Variants in NKAIN3 observed in about 807,000 individuals in gnomAD.
The protein encoded by NKAIN3 is sodium/potassium-transporting ATPase subunit beta-1-interacting protein 3.
A neutral mutation model predicts 30.2 loss-of-function variants in NKAIN3; 25 were observed. The ratio of observed to expected loss-of-function variants is 0.83; its 90% CI spans 0.60 to 1.16. The LOEUF (loss-of-function observed/expected upper bound fraction) is 1.16. Among genes scored for constraint, NKAIN3 ranks in the 50% most tolerant of loss-of-function variants. The pLI, the probability that NKAIN3 is intolerant of heterozygous loss-of-function variation, is 0.00. For missense variants in NKAIN3, 225 were observed against 254.1 expected, an observed-to-expected ratio of 0.89 and a Z score of 0.78; for synonymous variants, 91 against 89.6, an observed-to-expected ratio of 1.02 and a Z score of -0.09.
chr8:62,487,752 C>A (rs769130193), intron 1 of NKAIN3, among the ~76,000 whole-genome samples: 5 of 152,178 alleles, frequency 3.3e-5, no homozygotes, highest in African/African-American at 7.2e-5. Flanking sequence ...ATCCCATTAT[C>A]ACCACACATC....
chr8:62,501,383 T>C (rs1321612379), intron 1 of NKAIN3, among the ~76,000 whole-genome samples: 2 of 152,156 alleles, frequency 1.3e-5, no homozygotes, highest in African/African-American at 4.8e-5. Context: ...GATGTAACAT[T>C]GATTTCGTTC....
intron 1 of NKAIN3, among the ~76,000 whole-genome samples, chr8:62,278,742 T>C (rs575192421): frequency 2.0e-5 from 3 of 152,274 alleles, no homozygotes; most frequent in African/African-American, 7.2e-5. Flanking sequence ...TATTCCATGG[T>C]GTATATGTGC....
intron 4 of NKAIN3, among the ~76,000 whole-genome samples, chr8:62,853,061 G>T (rs557671114): frequency 3.2e-4 from 48 of 152,274 alleles, no homozygotes; most frequent in African/African-American, 1.1e-3. Flanking sequence ...GGGTAACAAA[G>T]TCTCCCATTA....
At chr8:62,300,072 T>C (rs576760510) in intron 1 of NKAIN3, among the ~76,000 whole-genome samples, 3 of 152,088 alleles carry the variant, frequency 2.0e-5, no homozygotes, top group Non-Finnish European at 4.4e-5. Context: ...CGTCCTATAG[T>C]AGCTGTAACA....
chr8:62,388,656 T>C (rs4738967), intron 1 of NKAIN3, among the ~76,000 whole-genome samples: 21,080 of 152,236 alleles, frequency 0.14, 1,747 homozygotes, highest in East Asian at 0.4. Flanking sequence ...TTTTAAAACA[T>C]CCATCAAAGT....
intron 3 of NKAIN3, among the ~76,000 whole-genome samples, chr8:62,739,949 A>G (rs1815810053): frequency 6.6e-6 from 1 of 152,188 alleles, no homozygotes; most frequent in African/African-American, 2.4e-5. Flanking sequence ...GACATGACAG[A>G]CACTCCTAAT....
intron 1 of NKAIN3, among the ~76,000 whole-genome samples, chr8:62,496,319 CT>C (rs1211732177): frequency 6.6e-6 from 1 of 152,066 alleles, no homozygotes; most frequent in African/African-American, 2.4e-5. Context: ...CTTACTGTGG[CT>C]TATGGGGAAA....
chr8:62,332,844 T>G (rs1815399827), intron 1 of NKAIN3, among the ~76,000 whole-genome samples: 1 of 152,116 alleles, frequency 6.6e-6, no homozygotes, highest in Admixed American at 6.6e-5. Context: ...CTGGGCACCA[T>G]GCCGAAACCC....
intron 4 of NKAIN3, among the ~76,000 whole-genome samples, chr8:62,911,488 C>T (rs1821924712): frequency 6.6e-6 from 1 of 152,098 alleles, no homozygotes; most frequent in Non-Finnish European, 1.5e-5. Context: ...CAGAACTCCT[C>T]GTTCGGAAAT....
intron 3 of NKAIN3, among the ~76,000 whole-genome samples, chr8:62,641,515 T>C (rs1256793395): frequency 1.3e-5 from 2 of 152,180 alleles, no homozygotes; most frequent in Non-Finnish European, 2.9e-5. Context: ...ATTTGCTTTT[T>C]GTAGGTTTTT....
At chr8:62,344,027 A>C (rs1366518972) in intron 1 of NKAIN3, among the ~76,000 whole-genome samples, 1 of 152,096 alleles carries the variant, frequency 6.6e-6, no homozygotes, top group Non-Finnish European at 1.5e-5. Context: ...ACAAGAAAGC[A>C]AACTGGAAAA....
intron 5 of NKAIN3, among the ~76,000 whole-genome samples, chr8:62,923,022 T>A (rs1822328942): frequency 1.3e-5 from 2 of 152,086 alleles, no homozygotes; most frequent in South Asian, 4.1e-4. Flanking sequence ...GTTGGCTGGG[T>A]GTGGTGGCTC....
chr8:62,386,600 A>T (rs1350957999), intron 1 of NKAIN3, among the ~76,000 whole-genome samples: 2 of 152,218 alleles, frequency 1.3e-5, no homozygotes, highest in African/African-American at 4.8e-5. Context: ...GATTTTTAAT[A>T]TGACAAATCT....
rs564298504 is a variant in NKAIN3, at chr8:62,397,373, A to G, written c.54+148246A>G. 4.8e-5 allele frequency among the ~76,000 whole-genome samples: 7 copies of G among 147,004 alleles called. No homozygotes were observed. The South Asian group carries it at 9.0e-4, about 19-fold the overall frequency. On this transcript the variant is annotated intron_variant, in intron 1 of 6. Transcript: ENST00000623646. ...TGTTTATTTTGTTTAAAGGATTTCT[A>G]TCTTGAAGTATGTACTTTGTTTTCC... is the stretch of plus-strand genomic sequence containing the variant.
chr8:62,583,888 G>A (rs1243683884), intron 2 of NKAIN3, among the ~76,000 whole-genome samples: 1 of 152,088 alleles, frequency 6.6e-6, no homozygotes, highest in African/African-American at 2.4e-5. Context: ...ATGAGTATGA[G>A]AAATCTGTTC....
intron 4 of NKAIN3, among the ~76,000 whole-genome samples, chr8:62,889,500 T>C (rs1409589064): frequency 6.6e-6 from 1 of 152,178 alleles, no homozygotes; most frequent in Non-Finnish European, 1.5e-5. Flanking sequence ...AGATAGTAAA[T>C]AGTAGATTCT....
intron 1 of NKAIN3, among the ~76,000 whole-genome samples, chr8:62,507,640 T>TA (rs1019266539): frequency 2.5e-4 from 38 of 152,028 alleles, no homozygotes; most frequent in African/African-American, 6.3e-4. Context: ...TCTCTCTTTG[T>TA]AAAAAAAATG....
intron 4 of NKAIN3, among the ~76,000 whole-genome samples, chr8:62,825,255 A>C (rs977819555): frequency 3.3e-5 from 5 of 152,212 alleles, no homozygotes; most frequent in African/African-American, 1.2e-4. Flanking sequence ...GAGTGATCTT[A>C]TTTATAACTC....
intron 3 of NKAIN3, among the ~76,000 whole-genome samples, chr8:62,628,322 A>G (rs898581038): frequency 1.3e-5 from 2 of 152,184 alleles, no homozygotes; most frequent in Non-Finnish European, 2.9e-5. Flanking sequence ...GCTGCACAAC[A>G]AAATGCATTA....
Sources: gnomAD v4.1 joint callset for allele counts (sites outside exome capture counted in the v4.1 genomes callset) on GRCh38, gnomAD v4.1.1 for gene constraint, MANE v1.5 for transcripts, NCBI Gene and HGNC (gene_info 2026-07-23, HGNC 2026-07-21) for gene names.